The following TMEM71 variants were observed in gnomAD, a reference collection of about 807,000 sequenced individuals.
The protein encoded by TMEM71 is transmembrane protein 71.
Under a neutral mutation model 38.0 loss-of-function variants are expected in TMEM71, and 44 were observed. The ratio of observed to expected loss-of-function variants is 1.16; its 90% CI spans 0.91 to 1.49. The LOEUF (loss-of-function observed/expected upper bound fraction) is 1.49, where lower values mean the gene tolerates loss of function less well. Ranked by LOEUF, TMEM71 falls within the 40% of genes most tolerant of loss-of-function variation. TMEM71 has a pLI of 0.00. For missense variants in TMEM71, 367 were observed against 348.6 expected (o/e 1.05, Z -0.42); for synonymous variants, 133 against 122.5 (o/e 1.09, Z -0.56).
At chr8:132,732,812 G>A (rs988005646) in intron 5 of TMEM71, among the ~76,000 whole-genome samples, 6 of 152,028 alleles carry the variant, frequency 3.9e-5, no homozygotes, top group African/African-American at 1.2e-4. Context: ...TGAGGTGAGG[G>A]GTGTTACGGG....
chr8:132,741,806 G>A lies in TMEM71; in HGVS notation c.487+5136C>T, dbSNP rs182541785. 4.2e-3 allele frequency among the ~76,000 whole-genome samples: 632 copies of A among 152,248 alleles called. 4 individuals are homozygous for A. Among genetic ancestry groups the A allele is most frequent in the African/African-American group, 0.015 (605 of 41,558 alleles). ...GTTAGGCCTCTGGATAACTGTGGGC[G>A]AGCCTGACTGATGTCAGGCCCTCCA... On this transcript the variant is annotated intron_variant, in intron 5 of 9. Transcript: ENST00000677595.
At chr8:132,720,008 C>A (rs918728966) in intron 7 of TMEM71, among the ~76,000 whole-genome samples, 7 of 152,118 alleles carry the variant, frequency 4.6e-5, no homozygotes, top group African/African-American at 1.7e-4. Flanking sequence ...GAAAGTCCTG[C>A]TCAGATAATG....
At chr8:132,772,218 A>T in the TMEM71 span, among the ~76,000 whole-genome samples, 1 of 152,186 alleles carries the variant, frequency 6.6e-6, no homozygotes, top group African/African-American at 2.4e-5. Flanking sequence ...ATTCCAGGAG[A>T]CATTATGGTT....
rs370662116 is a variant in TMEM71 at position 132,724,103 on chromosome 8, A to G, written c.677-1988T>C. Among the ~76,000 whole-genome samples the G allele has an allele frequency of 5.3e-5, 8 of 152,354 alleles. No individual in the cohort carries two copies. In the East Asian group the frequency reaches 1.3e-3, roughly 26 times the overall value. ...GGGCAAAAAGGAGAACAAAGATCAC[A>G]TGCTTCTGAGGAAACAGGGACAGGG... On this transcript the variant is annotated intron_variant, in intron 6 of 9. Coordinates refer to ENST00000677595, the MANE Select transcript of TMEM71 (RefSeq NM_001382403.1).
upstream of TMEM71, among the ~76,000 whole-genome samples, chr8:132,761,398 A>G (rs1416938777): frequency 6.6e-6 from 1 of 152,198 alleles, no homozygotes; most frequent in Non-Finnish European, 1.5e-5. Flanking sequence ...AATAAAAGAA[A>G]TGAGAAATAA....
chr8:132,767,627 A>C, the TMEM71 span, among the ~76,000 whole-genome samples: 2 of 152,072 alleles, frequency 1.3e-5, no homozygotes, highest in African/African-American at 4.8e-5. Flanking sequence ...GGTGCGCACC[A>C]CCATGCCCAG....
chr8:132,720,795 A>G (rs546112257), intron 7 of TMEM71, among the ~76,000 whole-genome samples: 7 of 152,340 alleles, frequency 4.6e-5, no homozygotes, highest in African/African-American at 1.7e-4. Context: ...TTCAAGAACC[A>G]TAAAGACCCC....
At chr8:132,770,604 T>G in the TMEM71 span, among the ~76,000 whole-genome samples, 2 of 152,188 alleles carry the variant, frequency 1.3e-5, no homozygotes, top group Non-Finnish European at 2.9e-5. Flanking sequence ...CCTTAAGAAG[T>G]AGAGTGAAAG....
Position 132,710,589 on chromosome 8 carries a change from C to T in TMEM71, c.*378G>A. 2.2e-6 allele frequency: 1 copy of T among 447,108 alleles called. No homozygotes were observed. The highest frequency in any genetic ancestry group is 3.8e-5 in the East Asian group (1 of 26,450). The allele number at this position is 447,108 out of a possible 1,614,324, so 27.7% of individuals were successfully genotyped here. ...TTCAGCAAGAGATAGGTGCATGTGG[C>T]AGACCCAGAAATCTGGTTACAAGCT... On this transcript the variant is annotated 3_prime_UTR_variant, in exon 10 of 10. Coordinates refer to ENST00000677595, the MANE Select transcript of TMEM71 (RefSeq NM_001382403.1).
chr8:132,708,466 T>A (rs193075055), downstream of TMEM71, among the ~76,000 whole-genome samples: 8 of 152,326 alleles, frequency 5.3e-5, no homozygotes, highest in African/African-American at 1.9e-4. Flanking sequence ...TCTATCACCA[T>A]GTAATGACAT....
At chr8:132,715,992 T>C (rs942086196) in intron 7 of TMEM71, among the ~76,000 whole-genome samples, 4 of 152,224 alleles carry the variant, frequency 2.6e-5, no homozygotes, top group African/African-American at 9.6e-5. Flanking sequence ...AGACGCCAGC[T>C]GCAGCAGGGG....
chr8:132,706,188 T>G (rs1563738425), downstream of TMEM71, among the ~76,000 whole-genome samples: 1 of 152,076 alleles, frequency 6.6e-6, no homozygotes, highest in Non-Finnish European at 1.5e-5. Context: ...AAAATACATG[T>G]TTGTTGGGTA....
At chr8:132,761,586 G>A (rs1023599814), upstream of TMEM71, among the ~76,000 whole-genome samples, 8 of 152,176 alleles carry the variant, frequency 5.3e-5, no homozygotes, top group Admixed American at 3.3e-4. Context: ...CATGTTCTAG[G>A]CAGCAGGAAC....
chr8:132,727,610 T>C (rs1827218827), intron 6 of TMEM71, among the ~76,000 whole-genome samples, 188 bp downstream of exon 6: 1 of 152,136 alleles, frequency 6.6e-6, no homozygotes, highest in African/African-American at 2.4e-5. Flanking sequence ...GCCTCTAACA[T>C]GACACCCAAA....
intron 6 of TMEM71, among the ~76,000 whole-genome samples, chr8:132,722,671 C>T (rs186961396): frequency 5.3e-5 from 8 of 152,292 alleles, no homozygotes; most frequent in Admixed American, 4.6e-4. Context: ...CTAGACAGAA[C>T]ATAACATTTT....
At chr8:132,746,358 T>TAC (rs36176552) in intron 5 of TMEM71, among the ~76,000 whole-genome samples, 46 of 20,340 alleles carry the variant, frequency 2.3e-3, no homozygotes, top group South Asian at 6.3e-3. Flanking sequence ...CACACAAATA[T>TAC]ACACACACAT....
rs1316599258 is a variant in TMEM71, at chr8:132,757,171, C to CA, written c.101+62dup. On this transcript the variant is annotated intron_variant, in intron 3 of 9. Transcript: ENST00000677595. ...TCGGCCTCCCAAAGTGCTGGGATTA[C>CA]AGGCATGAGCCACCACGCCCGGCCA... is the stretch of plus-strand genomic sequence containing the variant. 5.0e-5 allele frequency: 62 copies of CA among 1,237,140 alleles called. 1 individual carries two copies. The East Asian group carries it at 1.5e-3, about 29-fold the overall frequency. 76.6% of individuals were successfully genotyped at this position (1,237,140 alleles called of 1,614,324 possible). A position where few individuals can be genotyped will look rare whatever the true frequency, so the allele number is the denominator to read the frequency against.
chr8:132,762,962 A>G (rs550197542), upstream of TMEM71, among the ~76,000 whole-genome samples: 96 of 152,352 alleles, frequency 6.3e-4, no homozygotes, highest in African/African-American at 2.2e-3. Flanking sequence ...GCCAATGGCC[A>G]GAACTAAATT....
At chr8:132,744,915 A>G (rs1828252062) in intron 5 of TMEM71, among the ~76,000 whole-genome samples, 1 of 152,212 alleles carries the variant, frequency 6.6e-6, no homozygotes, top group African/African-American at 2.4e-5. Context: ...AGTTGACAAA[A>G]AATAGCAATA....
Sources: gnomAD v4.1 joint callset for allele counts (sites outside exome capture counted in the v4.1 genomes callset) on GRCh38, gnomAD v4.1.1 for gene constraint, MANE v1.5 for transcripts, NCBI Gene and HGNC (gene_info 2026-07-23, HGNC 2026-07-21) for gene names.